Variants in DLG1 observed in about 807,000 individuals in gnomAD.
DLG1 encodes the protein discs large MAGUK scaffold protein 1, also known as disks large homolog 1.
In DLG1, 42 loss-of-function variants were observed where a neutral mutation model predicts 123.4. The observed-to-expected ratio is 0.34, with a 90% CI of 0.27 to 0.44. The LOEUF (loss-of-function observed/expected upper bound fraction) is 0.44, where lower values mean the gene tolerates loss of function less well. DLG1 is among the 20% of genes least tolerant of loss of function. The pLI is 1.00. For synonymous variants in DLG1, 317 were observed against 356.2 expected, an observed-to-expected ratio of 0.89 and a Z score of 1.24; for missense variants, 942 against 1,082.6, an observed-to-expected ratio of 0.87 and a Z score of 1.82.
At chr3:197,189,565 A>G (rs1444910906) in intron 5 of DLG1, among the ~76,000 whole-genome samples, 12 of 152,156 alleles carry the variant, frequency 7.9e-5, no homozygotes, top group Non-Finnish European at 1.6e-4. Context: ...TAGTGAGGGA[A>G]AGGGGACTAG....
chr3:197,249,486 A>C (rs1385493736), intron 4 of DLG1, among the ~76,000 whole-genome samples: 1 of 152,140 alleles, frequency 6.6e-6, no homozygotes, highest in Non-Finnish European at 1.5e-5. Context: ...CCCAGGACCT[A>C]ATGGCTTCCT....
intron 4 of DLG1, among the ~76,000 whole-genome samples, chr3:197,241,516 C>A (rs1379291592): frequency 6.6e-6 from 1 of 151,888 alleles, no homozygotes; most frequent in Non-Finnish European, 1.5e-5. Flanking sequence ...ACAAAAAACC[C>A]AAAATACTTT....
intron 4 of DLG1, among the ~76,000 whole-genome samples, chr3:197,280,722 TA>T (rs960427725): frequency 1.3e-5 from 2 of 152,054 alleles, no homozygotes; most frequent in Admixed American, 6.6e-5. Flanking sequence ...AATCGGACAA[TA>T]AAAAATACTA....
chr3:197,048,577 C>A (rs1725026500), intron 24 of DLG1, among the ~76,000 whole-genome samples: 3 of 152,110 alleles, frequency 2.0e-5, no homozygotes, highest in Admixed American at 2.0e-4. Flanking sequence ...GAAAAGGGAA[C>A]CCTGTACACT....
intron 1 of DLG1, 165 bp downstream of exon 1, chr3:197,298,371 G>C (rs1464438213): frequency 5.0e-6 from 2 of 397,314 alleles, no homozygotes; most frequent in Non-Finnish European, 4.4e-6. Flanking sequence ...GTTAACACTC[G>C]GACTCCACAG....
intron 5 of DLG1, among the ~76,000 whole-genome samples, chr3:197,179,308 C>T (rs548170052): frequency 5.3e-5 from 8 of 152,184 alleles, no homozygotes; most frequent in African/African-American, 1.7e-4. Flanking sequence ...GTCATCTACA[C>T]GTGACTGGTT....
chr3:197,198,504 A>G (rs1318286129), intron 4 of DLG1, among the ~76,000 whole-genome samples: 4 of 151,350 alleles, frequency 2.6e-5, no homozygotes, highest in Admixed American at 1.3e-4. Context: ...AAAAAAAAAG[A>G]CAAACCAAAC....
intron 4 of DLG1, 41 bp downstream of exon 4, chr3:197,282,638 G>C (rs762113103): frequency 1.5e-6 from 2 of 1,351,660 alleles, no homozygotes; most frequent in Admixed American, 2.7e-5. Context: ...TAAATAAATT[G>C]ATCACCAAAA....
chr3:197,224,045 C>G (rs1379445631), intron 4 of DLG1, among the ~76,000 whole-genome samples: 2 of 152,142 alleles, frequency 1.3e-5, no homozygotes, highest in African/African-American at 2.4e-5. Context: ...CTTTTTATTT[C>G]CTAAATTAAA....
chr3:197,227,099 T>C (rs1236763313), intron 4 of DLG1, among the ~76,000 whole-genome samples: 1 of 152,244 alleles, frequency 6.6e-6, no homozygotes, highest in African/African-American at 2.4e-5. Flanking sequence ...GCTTCATCTA[T>C]GTAATTATCT....
At chr3:197,139,444 CT>C (rs1182347704) in intron 8 of DLG1, among the ~76,000 whole-genome samples, 8 of 152,114 alleles carry the variant, frequency 5.3e-5, no homozygotes, top group African/African-American at 1.9e-4. Flanking sequence ...AAATAAGATG[CT>C]GTTTTTAACA....
At chr3:197,219,764 A>C (rs1245911799) in intron 4 of DLG1, among the ~76,000 whole-genome samples, 2 of 152,150 alleles carry the variant, frequency 1.3e-5, no homozygotes, top group Non-Finnish European at 2.9e-5. Context: ...AGGAAAGGCC[A>C]CGTGAAGAGG....
intron 4 of DLG1, among the ~76,000 whole-genome samples, chr3:197,272,384 T>G (rs566395476): frequency 1.1e-3 from 172 of 152,088 alleles, no homozygotes; most frequent in African/African-American, 3.3e-3. Context: ...AGCATAAAAC[T>G]GTGCTGTTGT....
chr3:197,119,714 C>T (rs993303285), intron 11 of DLG1, among the ~76,000 whole-genome samples, 184 bp from the exon 12 acceptor site: 2 of 152,112 alleles, frequency 1.3e-5, no homozygotes, highest in Non-Finnish European at 2.9e-5. Flanking sequence ...AACTCCTGTC[C>T]TGAAGTGATA....
At chr3:197,072,834 T>A (rs181187967) in intron 18 of DLG1, among the ~76,000 whole-genome samples, 10 of 152,184 alleles carry the variant, frequency 6.6e-5, no homozygotes, top group Admixed American at 2.0e-4. Context: ...GTAGCTTGGA[T>A]TACAGGTGTG....
At chr3:197,128,275 C>T (rs947027098) in intron 11 of DLG1, among the ~76,000 whole-genome samples, 2 of 152,220 alleles carry the variant, frequency 1.3e-5, no homozygotes, top group African/African-American at 4.8e-5. Flanking sequence ...ACATCATCTT[C>T]ACCTACCAGG....
intron 18 of DLG1, 189 bp from the exon 19 acceptor site, chr3:197,069,449 T>G (rs902881523): frequency 1.7e-5 from 7 of 418,456 alleles, no homozygotes; most frequent in Admixed American, 8.5e-5. Context: ...CTCCTGTAAT[T>G]AAGGACAATG....
Position 197,048,985 on chromosome 3 carries a change from A to T in DLG1, c.2575+2592T>A, listed in dbSNP as rs548010271. Among the ~76,000 whole-genome samples the T allele has an allele frequency of 1.0e-3, 158 of 152,296 alleles. 3 individuals carry two copies. The highest frequency in any genetic ancestry group is 3.4e-3 in the African/African-American group (143 of 41,558). On this transcript the variant is annotated intron_variant, in intron 24 of 24. Transcript: ENST00000667157. ...TCAAAAAATTAAAAACTGAGTTATT[A>T]TATGATCTAGCAATCCCACTACTCG...
At chr3:197,077,110 CCA>C (rs1747798646) in intron 17 of DLG1, among the ~76,000 whole-genome samples, 1 of 152,154 alleles carries the variant, frequency 6.6e-6, no homozygotes, top group Non-Finnish European at 1.5e-5. Flanking sequence ...TTTGGCCTGA[CCA>C]CAGTTATTCC....
Sources: allele counts gnomAD v4.1 joint callset (sites outside exome capture counted in the v4.1 genomes callset), GRCh38; gene constraint gnomAD v4.1.1; transcripts MANE v1.5; gene names NCBI Gene and HGNC (gene_info 2026-07-23, HGNC 2026-07-21).